Variants in ZNF521 observed in about 807,000 individuals in gnomAD.
The protein encoded by ZNF521 is zinc finger protein 521.
A neutral mutation model predicts 105.5 loss-of-function variants in ZNF521; 14 were observed. The observed-to-expected ratio is 0.13, with a 90% CI of 0.09 to 0.21. The LOEUF (loss-of-function observed/expected upper bound fraction) is 0.21, where lower values mean the gene tolerates loss of function less well. Ranked by LOEUF, ZNF521 falls within the 10% of genes least tolerant of loss-of-function variation. ZNF521 has a pLI of 1.00. For missense variants in ZNF521, 1,233 were observed against 1,629.7 expected, an observed-to-expected ratio of 0.76 and a Z score of 4.19; for synonymous variants, 635 against 606.0, an observed-to-expected ratio of 1.05 and a Z score of -0.70.
At chr18:25,062,906 C>T (rs1184043538) in intron 7 of ZNF521, among the ~76,000 whole-genome samples, 165 bp from the exon 8 acceptor site, 1 of 151,864 alleles carries the variant, frequency 6.6e-6, no homozygotes, top group Non-Finnish European at 1.5e-5. Flanking sequence ...ATGAATAGTG[C>T]TCATGGGTGC....
chr18:25,102,369 C>T (rs1039952324), intron 5 of ZNF521, among the ~76,000 whole-genome samples: 3 of 151,406 alleles, frequency 2.0e-5, no homozygotes, highest in Non-Finnish European at 2.9e-5. Context: ...AAGCAAGCAA[C>T]GAGGAGAGTG....
intron 3 of ZNF521, among the ~76,000 whole-genome samples, chr18:25,317,334 T>C (rs569220604): frequency 1.3e-5 from 2 of 152,338 alleles, no homozygotes; most frequent in South Asian, 4.1e-4. Context: ...ACAGGTATTA[T>C]TAAAGTTGTA....
chr18:25,217,408 AAG>A (rs1303475211), intron 4 of ZNF521, among the ~76,000 whole-genome samples: 1 of 152,164 alleles, frequency 6.6e-6, no homozygotes, highest in Non-Finnish European at 1.5e-5. Context: ...AATGAGAGAA[AAG>A]AGGAATGAGG....
chr18:25,062,662 T>A lies in ZNF521; in HGVS notation c.*50A>T. The A allele has an allele frequency of 6.4e-7, 1 of 1,561,338 alleles. No individual in the cohort carries two copies. The highest frequency in any genetic ancestry group is 8.6e-7 in the Non-Finnish European group (1 of 1,160,962). Reference sequence around the variant, plus strand: ...AGTTTCGTGCAAAGAGTAAAACATGTTCCCTTTTTGTGCCACAAAATCAAT... The same window carrying A: ...AGTTTCGTGCAAAGAGTAAAACATGATCCCTTTTTGTGCCACAAAATCAAT... On this transcript the variant is annotated 3_prime_UTR_variant, in exon 8 of 8. Transcript: ENST00000361524.
At chr18:25,339,426 T>C (rs1461654903) in intron 2 of ZNF521, among the ~76,000 whole-genome samples, 4 of 152,222 alleles carry the variant, frequency 2.6e-5, no homozygotes, top group African/African-American at 9.7e-5. Context: ...CTCACTGATA[T>C]CGCTGTTAAA....
chr18:25,163,606 C>G (rs1410728715), intron 5 of ZNF521, among the ~76,000 whole-genome samples: 4 of 152,156 alleles, frequency 2.6e-5, no homozygotes, highest in African/African-American at 9.7e-5. Context: ...GCAATTGGAA[C>G]AGAACGCCTG....
chr18:25,158,965 AAAAG>A lies in ZNF521; in HGVS notation c.3658+36191_3658+36194del, dbSNP rs577235430. 1.2e-3 allele frequency among the ~76,000 whole-genome samples: 188 copies of A among 152,224 alleles called. 1 individual carries two copies. Among genetic ancestry groups the A allele is most frequent in the Middle Eastern group, 3.4e-3 (1 of 294 alleles). On this transcript the variant is annotated intron_variant, in intron 5 of 7. Transcript: ENST00000361524. Reference sequence around the variant, plus strand: ...AGTGCGACTCCATCTTAAAAAAAAAAAAAGAAAGGTAAAACTACCAAACAAAAAA... The same window carrying A: ...AGTGCGACTCCATCTTAAAAAAAAAAAAAGGTAAAACTACCAAACAAAAAA...
intron 5 of ZNF521, among the ~76,000 whole-genome samples, chr18:25,146,442 CA>C (rs1313839398): frequency 6.6e-6 from 1 of 151,794 alleles, no homozygotes; most frequent in Non-Finnish European, 1.5e-5. Flanking sequence ...AAGCATTTAG[CA>C]ACAAAGAAAA....
rs184393322 is a variant in ZNF521, at chr18:25,304,131, C to T, written c.220+17877G>A. 5.4e-3 allele frequency among the ~76,000 whole-genome samples: 818 copies of T among 152,220 alleles called. 7 individuals carry two copies. The highest frequency in any genetic ancestry group is 0.019 in the African/African-American group (782 of 41,548). ...TTTGATAAGCACCAAAGGTTCATAG[C>T]ATAGTAAGAATAAAACTTAAATGAA... is the stretch of plus-strand genomic sequence containing the variant. On this transcript the variant is annotated intron_variant, in intron 3 of 7. Coordinates refer to ENST00000361524, the MANE Select transcript of ZNF521 (RefSeq NM_015461.3).
At chr18:25,113,475 T>C (rs1420668942) in intron 5 of ZNF521, among the ~76,000 whole-genome samples, 2 of 152,210 alleles carry the variant, frequency 1.3e-5, no homozygotes, top group Admixed American at 6.5e-5. Flanking sequence ...CTTTGTTTAA[T>C]GTTTATCTTG....
intron 5 of ZNF521, among the ~76,000 whole-genome samples, chr18:25,171,689 G>A (rs1470984167): frequency 6.6e-6 from 1 of 152,060 alleles, no homozygotes; most frequent in African/African-American, 2.4e-5. Context: ...ATTCTAATCT[G>A]CACTGCACTG....
chr18:25,180,571 T>C (rs1235538665), intron 5 of ZNF521, among the ~76,000 whole-genome samples: 1 of 151,902 alleles, frequency 6.6e-6, no homozygotes, highest in Non-Finnish European at 1.5e-5. Context: ...ATGGCATCTA[T>C]CATAAGTGCA....
At chr18:25,177,636 A>G (rs1307027060) in intron 5 of ZNF521, among the ~76,000 whole-genome samples, 1 of 152,132 alleles carries the variant, frequency 6.6e-6, no homozygotes, top group Non-Finnish European at 1.5e-5. Context: ...GGACTGGTTT[A>G]AAAAATACAT....
At chr18:25,303,942 T>A (rs1568067072) in intron 3 of ZNF521, among the ~76,000 whole-genome samples, 1 of 152,242 alleles carries the variant, frequency 6.6e-6, no homozygotes, top group Non-Finnish European at 1.5e-5. Context: ...TCTCATTTTA[T>A]AATGAAGATA....
chr18:25,268,293 C>G (rs1909410954), intron 3 of ZNF521, among the ~76,000 whole-genome samples: 1 of 151,808 alleles, frequency 6.6e-6, no homozygotes, highest in African/African-American at 2.4e-5. Context: ...GTGAAAAGAC[C>G]AAATTTATGT....
intron 7 of ZNF521, among the ~76,000 whole-genome samples, chr18:25,088,921 A>C (rs999787859): frequency 6.6e-6 from 1 of 152,212 alleles, no homozygotes; most frequent in African/African-American, 2.4e-5. Flanking sequence ...CAAGTGGACC[A>C]CTCAAGGCTA....
At chr18:25,072,355 C>A (rs35318552) in intron 7 of ZNF521, among the ~76,000 whole-genome samples, 4 of 152,180 alleles carry the variant, frequency 2.6e-5, no homozygotes, top group Non-Finnish European at 5.9e-5. Flanking sequence ...TCTGCTGTGA[C>A]GTCATACGTG....
rs186528639 is a variant in ZNF521, at chr18:25,350,272, C to T, written c.40+635G>A. Among the ~76,000 whole-genome samples the T allele has an allele frequency of 4.1e-3, 625 of 152,062 alleles. 7 individuals carry two copies. The highest frequency in any genetic ancestry group is 0.013 in the African/African-American group (559 of 41,500). Reference sequence around the variant, plus strand: ...AGAAGTAGGGGCGAGGGGCGGTCAACTTCTGGGAATGGCCAAGAGGGGTGC... The same window carrying T: ...AGAAGTAGGGGCGAGGGGCGGTCAATTTCTGGGAATGGCCAAGAGGGGTGC... On this transcript the variant is annotated intron_variant, in intron 2 of 7. Coordinates refer to ENST00000361524, the MANE Select transcript of ZNF521 (RefSeq NM_015461.3).
chr18:25,350,701 A>G (rs1159973242), intron 2 of ZNF521, among the ~76,000 whole-genome samples: 1 of 137,954 alleles, frequency 7.2e-6, no homozygotes, highest in East Asian at 2.1e-4. Flanking sequence ...CCATTCGGGG[A>G]TCCTCCTCCC....
Sources: gnomAD v4.1 joint callset for allele counts (sites outside exome capture counted in the v4.1 genomes callset) on GRCh38, gnomAD v4.1.1 for gene constraint, MANE v1.5 for transcripts, NCBI Gene and HGNC (gene_info 2026-07-23, HGNC 2026-07-21) for gene names.